The following SLC24A2 variants were observed in gnomAD, a reference collection of about 807,000 sequenced individuals.
The protein encoded by SLC24A2 is sodium/potassium/calcium exchanger 2.
SLC24A2 carries 36 observed loss-of-function variants against 62.0 expected under a neutral mutation model. That is an observed-to-expected ratio of 0.58 (90% CI 0.44 to 0.77). SLC24A2 has a LOEUF of 0.77. Among genes scored for constraint, SLC24A2 ranks in the 30% least tolerant of loss-of-function variants. The probability of loss-of-function intolerance (pLI) is 0.00; values close to 1 mark genes in which losing one functional copy is unlikely to be tolerated. For missense variants in SLC24A2, 846 were observed against 817.9 expected (o/e 1.03, Z -0.42); for synonymous variants, 358 against 294.0 (o/e 1.22, Z -2.23).
chr9:20,000,964 G>T, the SLC24A2 span, among the ~76,000 whole-genome samples: 2 of 152,180 alleles, frequency 1.3e-5, no homozygotes, highest in Non-Finnish European at 2.9e-5. Flanking sequence ...GACCCTAATG[G>T]ATAGTAAGAT....
At chr9:19,614,106 T>C (rs934738751) in intron 4 of SLC24A2, among the ~76,000 whole-genome samples, 2 of 152,206 alleles carry the variant, frequency 1.3e-5, no homozygotes, top group African/African-American at 4.8e-5. Context: ...ATCCTTGTTT[T>C]TAGGTTCATG....
chr9:20,205,483 C>T, the SLC24A2 span, among the ~76,000 whole-genome samples: 1 of 151,640 alleles, frequency 6.6e-6, no homozygotes, highest in Admixed American at 6.6e-5. Context: ...ACCGTCTCTA[C>T]TAAAAATACA....
At chr9:19,832,379 G>A in the SLC24A2 span, among the ~76,000 whole-genome samples, 24 of 152,302 alleles carry the variant, frequency 1.6e-4, no homozygotes, top group African/African-American at 5.3e-4. Context: ...CCAGATATGA[G>A]TCATTTAAAC....
In SLC24A2 at chr9:19,510,334, C is replaced by A. The variant is rs1303242867; in HGVS notation, c.*5819G>T. On this transcript the variant is annotated 3_prime_UTR_variant, in exon 11 of 11. Coordinates refer to ENST00000341998, the MANE Select transcript of SLC24A2 (RefSeq NM_020344.4). ...GAGGGTTAAAGACTCAAATAAAAAT[C>A]TAAAGATAATTTTAATTGAAAATAG... 2 of 145,504 alleles carry A rather than the reference C, an allele frequency of 1.4e-5. No homozygotes were observed. Among genetic ancestry groups the A allele is most frequent in the African/African-American group, 5.1e-5 (2 of 39,292 alleles). The allele number at this position is 145,504 out of a possible 1,614,324, so 9.0% of individuals were successfully genotyped here.
the SLC24A2 span, among the ~76,000 whole-genome samples, chr9:20,027,911 A>AT: frequency 2.0e-5 from 3 of 151,696 alleles, no homozygotes; most frequent in African/African-American, 7.3e-5. Context: ...TACAATGTCA[A>AT]TTTTTTTTTA....
chr9:19,741,079 T>C (rs1390833903), intron 2 of SLC24A2, among the ~76,000 whole-genome samples: 1 of 152,192 alleles, frequency 6.6e-6, no homozygotes, highest in Non-Finnish European at 1.5e-5. Flanking sequence ...GCACCTAGAA[T>C]GCTGTCTCAC....
chr9:20,232,604 C>T, the SLC24A2 span, among the ~76,000 whole-genome samples: 17,851 of 151,812 alleles, frequency 0.12, 2,297 homozygotes, highest in East Asian at 0.6. Flanking sequence ...TTTTTTATTG[C>T]GTCTATTTGA....
intron 2 of SLC24A2, among the ~76,000 whole-genome samples, chr9:19,645,645 G>A (rs79219034): frequency 0.01 from 1,548 of 152,236 alleles, 37 homozygotes; most frequent in East Asian, 0.094. Flanking sequence ...AGTACAGAGC[G>A]GCATGGGGGT....
chr9:19,808,064 C>G, the SLC24A2 span, among the ~76,000 whole-genome samples: 1 of 152,186 alleles, frequency 6.6e-6, no homozygotes, highest in African/African-American at 2.4e-5. The surrounding 1 kb of genome is among the most constrained non-coding windows in gnomAD (Gnocchi z 4.1). Flanking sequence ...TTGGATTCTG[C>G]TCCCCAAGGA....
chr9:19,868,893 G>C, the SLC24A2 span, among the ~76,000 whole-genome samples: 1 of 151,292 alleles, frequency 6.6e-6, no homozygotes, highest in Non-Finnish European at 1.5e-5. Flanking sequence ...ATTCAAAGTT[G>C]AATTTTCTTT....
chr9:19,820,064 T>TATATAC, the SLC24A2 span, among the ~76,000 whole-genome samples: 4 of 129,422 alleles, frequency 3.1e-5, no homozygotes, highest in African/African-American at 1.2e-4. Context: ...TACACATATA[T>TATATAC]ATATATATAT....
the SLC24A2 span, among the ~76,000 whole-genome samples, chr9:20,035,520 A>G: frequency 6.6e-6 from 1 of 152,188 alleles, no homozygotes; most frequent in Non-Finnish European, 1.5e-5. Flanking sequence ...TTGGGAGGCC[A>G]AGAAAGGAGG....
chr9:20,186,880 C>T, the SLC24A2 span, among the ~76,000 whole-genome samples: 1,930 of 152,222 alleles, frequency 0.013, 29 homozygotes, highest in African/African-American at 0.04. Context: ...TACATCCATG[C>T]CTGTTTCTAC....
intron 2 of SLC24A2, among the ~76,000 whole-genome samples, chr9:19,625,542 T>C (rs1194347151): frequency 2.0e-5 from 3 of 152,178 alleles, no homozygotes; most frequent in Non-Finnish European, 4.4e-5. Context: ...AAATATTCTG[T>C]AATTCAAACC....
chr9:19,833,801 A>G, the SLC24A2 span, among the ~76,000 whole-genome samples: 47 of 152,362 alleles, frequency 3.1e-4, no homozygotes, highest in Middle Eastern at 6.8e-3. Flanking sequence ...CTGACCCCCG[A>G]GTAGCCTAAC....
chr9:19,785,261 C>G (rs1242470425), intron 2 of SLC24A2, among the ~76,000 whole-genome samples: 1 of 152,216 alleles, frequency 6.6e-6, no homozygotes, highest in Non-Finnish European at 1.5e-5. Flanking sequence ...AAATTCTACT[C>G]TAAAAATAGT....
At chr9:19,749,449 G>A (rs1412711194) in intron 2 of SLC24A2, among the ~76,000 whole-genome samples, 2 of 152,096 alleles carry the variant, frequency 1.3e-5, no homozygotes, top group Non-Finnish European at 2.9e-5. Context: ...TTGCCTGTGG[G>A]ATAAGGGAGA....
chr9:19,820,828 A>G, the SLC24A2 span, among the ~76,000 whole-genome samples: 1 of 152,042 alleles, frequency 6.6e-6, no homozygotes, highest in Admixed American at 6.6e-5. Context: ...ACCTTTGCTT[A>G]CAAATCTACA....
chr9:19,731,743 T>A (rs563353941), intron 2 of SLC24A2, among the ~76,000 whole-genome samples: 4 of 152,322 alleles, frequency 2.6e-5, no homozygotes, highest in Admixed American at 2.6e-4. Flanking sequence ...ACATGTAGCA[T>A]AGGTAAAACA....
Sources: allele counts gnomAD v4.1 joint callset (sites outside exome capture counted in the v4.1 genomes callset), GRCh38; gene constraint gnomAD v4.1.1; non-coding constraint Gnocchi (gnomAD v3.1); transcripts MANE v1.5; gene names NCBI Gene and HGNC (gene_info 2026-07-23, HGNC 2026-07-21).